The following CBR4 variants were observed in gnomAD, a reference collection of about 807,000 sequenced individuals.
CBR4 encodes the protein carbonyl reductase 4, also known as 3-oxoacyl-[acyl-carrier-protein] reductase.
A neutral mutation model predicts 21.0 loss-of-function variants in CBR4; 22 were observed. The ratio of observed to expected loss-of-function variants is 1.05; its 90% CI spans 0.75 to 1.50. The LOEUF is 1.50. CBR4 is among the 40% of genes most tolerant of loss of function. The pLI is 0.00. For synonymous variants in CBR4, 100 were observed against 104.4 expected, an observed-to-expected ratio of 0.96 and a Z score of 0.26; for missense variants, 302 against 286.3, an observed-to-expected ratio of 1.05 and a Z score of -0.40.
At chr4:168,980,106 A>G (rs1042755174) in intron 2 of CBR4, among the ~76,000 whole-genome samples, 2 of 152,120 alleles carry the variant, frequency 1.3e-5, no homozygotes, top group East Asian at 3.9e-4. Context: ...TCTACCACTG[A>G]CACTGCCAAG....
rs1439116922 is a variant in CBR4 at position 168,905,190 on chromosome 4, G to A, written n.170-10425C>T. Among the ~76,000 whole-genome samples the A allele has an allele frequency of 1.2e-4, 14 of 112,800 alleles. No individual in the cohort carries two copies. The South Asian group carries it at 2.2e-3, about 17-fold the overall frequency. 74.0% of individuals were successfully genotyped at this position (112,800 alleles called of 152,430 possible). A position where few individuals can be genotyped will look rare whatever the true frequency, so the allele number is the denominator to read the frequency against. ...TTTTGAGATGGAATCTCACTCTGTCGCCCAGGCTGGAATGCAGTGGCGCGA... is the reference window on the plus strand; with the variant it reads ...TTTTGAGATGGAATCTCACTCTGTCACCCAGGCTGGAATGCAGTGGCGCGA... On this transcript the variant is annotated intron_variant and non_coding_transcript_variant, in intron 2 of 3. Transcript: ENST00000509108.
chr4:168,999,827 C>T (rs921239891), intron 4 of CBR4, among the ~76,000 whole-genome samples: 2 of 152,160 alleles, frequency 1.3e-5, no homozygotes, highest in Admixed American at 1.3e-4. Flanking sequence ...TTCAACATTT[C>T]TATAGCACCA....
chr4:168,955,595 G>A (rs530127661), intron 2 of CBR4, among the ~76,000 whole-genome samples: 1 of 152,252 alleles, frequency 6.6e-6, no homozygotes, highest in East Asian at 1.9e-4. Flanking sequence ...GAGTGAGTGA[G>A]TGGAAAATTG....
chr4:168,906,418 T>C (rs944554552), intron 2 of CBR4, among the ~76,000 whole-genome samples: 10 of 152,122 alleles, frequency 6.6e-5, no homozygotes, highest in Admixed American at 2.0e-4. Context: ...CCAATGGCAG[T>C]GTGCAGAGTT....
At chr4:168,961,130 GCTTT>G (rs993201937) in intron 2 of CBR4, among the ~76,000 whole-genome samples, 5 of 152,142 alleles carry the variant, frequency 3.3e-5, no homozygotes, top group African/African-American at 9.7e-5. Flanking sequence ...TGATACTGAC[GCTTT>G]CTTTGTCCTA....
chr4:168,967,354 CA>C (rs1291522917), intron 2 of CBR4, among the ~76,000 whole-genome samples: 3 of 151,160 alleles, frequency 2.0e-5, no homozygotes, highest in African/African-American at 7.3e-5. Context: ...CGGGGCCTGT[CA>C]GGGGGTTGGG....
intron 2 of CBR4, among the ~76,000 whole-genome samples, chr4:168,918,420 G>C (rs1162172408): frequency 6.6e-6 from 1 of 152,000 alleles, no homozygotes; most frequent in Non-Finnish European, 1.5e-5. Flanking sequence ...AATGTTAAGT[G>C]AAATAGGCCA....
rs748622351 is a variant in CBR4 at position 168,898,685 on chromosome 4, T to G, written n.170-3920A>C. ...TGAGGGAATGCCAGTAACTTTCACA[T>G]GTAGAGTGGCTGGAAATCCAAAGCC... On this transcript the variant is annotated intron_variant and non_coding_transcript_variant, in intron 2 of 3. Transcript: ENST00000509108. The G allele has an allele frequency of 6.2e-7, 1 of 1,613,802 alleles. No homozygotes were observed. The highest frequency in any genetic ancestry group is 8.5e-7 in the Non-Finnish European group (1 of 1,179,678).
chr4:169,000,843 G>A (rs944367845), intron 4 of CBR4, among the ~76,000 whole-genome samples: 5 of 152,034 alleles, frequency 3.3e-5, no homozygotes, highest in Admixed American at 6.6e-5. Flanking sequence ...GTACCCTGGC[G>A]AAAGGCAAAT....
At chr4:168,975,053 C>T (rs1345834415) in intron 2 of CBR4, among the ~76,000 whole-genome samples, 1 of 152,170 alleles carries the variant, frequency 6.6e-6, no homozygotes, top group Non-Finnish European at 1.5e-5. Context: ...GTGGAAAGAT[C>T]TGGGACTCAA....
chr4:168,903,631 T>C, intron 2 of CBR4: 1 of 761,356 alleles, frequency 1.3e-6, no homozygotes, highest in Non-Finnish European at 2.3e-6. Flanking sequence ...AGTCAGGTAT[T>C]TGGTTTAACA....
At chr4:168,996,921 T>C (rs1765233628) in intron 4 of CBR4, among the ~76,000 whole-genome samples, 1 of 152,154 alleles carries the variant, frequency 6.6e-6, no homozygotes, top group Non-Finnish European at 1.5e-5. Context: ...GTCTCTTAGG[T>C]TCCATATCAT....
At chr4:168,961,654 C>T (rs906185234) in intron 2 of CBR4, among the ~76,000 whole-genome samples, 1 of 152,104 alleles carries the variant, frequency 6.6e-6, no homozygotes, top group African/African-American at 2.4e-5. Context: ...CTTTGGGAGG[C>T]CAAGGCAGGT....
chr4:168,898,655 A>G, intron 2 of CBR4: 1 of 1,614,182 alleles, frequency 6.2e-7, no homozygotes, highest in Non-Finnish European at 8.5e-7. Flanking sequence ...ACATTACAAG[A>G]TCTTTGAGGG....
At chr4:168,928,928 A>C (rs1376963685) in intron 2 of CBR4, among the ~76,000 whole-genome samples, 2 of 152,168 alleles carry the variant, frequency 1.3e-5, no homozygotes, top group African/African-American at 4.8e-5. Context: ...AACCTTAATT[A>C]CATCTGCAAA....
At chr4:168,993,507 A>G (rs926130286) in intron 4 of CBR4, among the ~76,000 whole-genome samples, 11 of 152,182 alleles carry the variant, frequency 7.2e-5, no homozygotes, top group Admixed American at 7.2e-4. Context: ...CACTGTGCCC[A>G]GCCAACAAAA....
At chr4:168,979,720 C>CT (rs1764483995) in intron 2 of CBR4, among the ~76,000 whole-genome samples, 1 of 152,134 alleles carries the variant, frequency 6.6e-6, no homozygotes, top group African/African-American at 2.4e-5. Flanking sequence ...GGGCCTCTGG[C>CT]TTTGGCCCCC....
chr4:168,976,775 A>G (rs914150134), intron 2 of CBR4, among the ~76,000 whole-genome samples: 3 of 152,220 alleles, frequency 2.0e-5, no homozygotes, highest in African/African-American at 7.2e-5. Flanking sequence ...CACAAAGTCA[A>G]TTTATCAGTT....
At chr4:168,921,803 C>T (rs2126499796) in intron 2 of CBR4, 2 of 1,263,224 alleles carry the variant, frequency 1.6e-6, no homozygotes, top group Non-Finnish European at 2.3e-6. Context: ...CAAATGTAAA[C>T]TAATTCTACA....
Sources: allele counts gnomAD v4.1 joint callset (sites outside exome capture counted in the v4.1 genomes callset), GRCh38; gene constraint gnomAD v4.1.1; transcripts MANE v1.5; gene names NCBI Gene and HGNC (gene_info 2026-07-23, HGNC 2026-07-21).